Variants in C6orf163 observed in about 807,000 individuals in gnomAD.
The protein encoded by C6orf163 is uncharacterized protein C6orf163.
Under a neutral mutation model 28.4 loss-of-function variants are expected in C6orf163, and 22 were observed. The ratio of observed to expected loss-of-function variants is 0.78; its 90% CI spans 0.55 to 1.11. C6orf163 has a LOEUF of 1.11. Among genes scored for constraint, C6orf163 ranks in the 50% least tolerant of loss-of-function variants. C6orf163 has a pLI of 0.00. For missense variants in C6orf163, 342 were observed against 389.1 expected (o/e 0.88, Z 1.02); for synonymous variants, 110 against 123.6 (o/e 0.89, Z 0.73).
chr6:87,345,953 C>A (rs1216682870), intron 1 of C6orf163, among the ~76,000 whole-genome samples: 1 of 133,160 alleles, frequency 7.5e-6, no homozygotes, highest in African/African-American at 2.7e-5. Context: ...TTAAAGTACC[C>A]TAATAAATGG....
At chr6:87,350,031 CTG>C (rs1175191265) in intron 2 of C6orf163, among the ~76,000 whole-genome samples, 6 of 152,220 alleles carry the variant, frequency 3.9e-5, no homozygotes, top group African/African-American at 1.2e-4. Context: ...TTTCATTTCA[CTG>C]TGTTTTCCAG....
At chr6:87,361,914 G>C (rs1777585859) in intron 4 of C6orf163, among the ~76,000 whole-genome samples, 1 of 152,052 alleles carries the variant, frequency 6.6e-6, no homozygotes, top group South Asian at 2.1e-4. Context: ...TGCACCTCAA[G>C]GATATTATGA....
chr6:87,365,205 C>A lies in C6orf163; in HGVS notation c.799C>A (p.Gln267Lys), dbSNP rs1777628270. 1 of 1,551,754 alleles carries A rather than the reference C, an allele frequency of 6.4e-7. No homozygotes were observed. The highest frequency in any genetic ancestry group is 1.4e-5 in the African/African-American group (1 of 73,158). ...GGGGGAGCTGCTGTCTATAGCAAAA[C>A]AACTGGGAATCATGACAAATTGGAA... ...TQGELLSIAK[Q>K]LGIMTNWKDF... The change falls in exon 5 of 5, where the codon CAA (glutamine) becomes AAA (lysine). Residue 267 changes from glutamine (Q) to lysine (K), a missense_variant. Transcript: ENST00000388923.
chr6:87,362,760 C>A (rs937273554), intron 4 of C6orf163, among the ~76,000 whole-genome samples: 1 of 152,040 alleles, frequency 6.6e-6, no homozygotes, highest in African/African-American at 2.4e-5. Context: ...AGAATTGCAT[C>A]TTGGAGGATG....
At chr6:87,362,204 C>A (rs551399415) in intron 4 of C6orf163, among the ~76,000 whole-genome samples, 1 of 152,288 alleles carries the variant, frequency 6.6e-6, no homozygotes, top group East Asian at 1.9e-4. Context: ...AGGTCAGGCA[C>A]GGTGGCTCAC....
Position 87,356,325 on chromosome 6 carries a change from G to A in C6orf163, c.376G>A (p.Glu126Lys). ...LQEVTAKTKTEMYQNMDDEMK... is the reference protein window; with the variant it reads ...LQEVTAKTKTKMYQNMDDEMK... ...GGAAGTGACAGCTAAAACTAAGACA[G>A]AGATGTATCAAAACATGGATGACGA... The change falls in exon 4 of 5, where the codon GAG becomes AAG. Residue 126 changes from glutamate to lysine, a missense_variant. Transcript: ENST00000388923. 1 of 1,551,716 alleles carries A rather than the reference G, an allele frequency of 6.4e-7. No individual in the cohort carries two copies.
intron 1 of C6orf163, among the ~76,000 whole-genome samples, chr6:87,345,916 CAAAAAAAAAAA>C (rs3044136): frequency 6.7e-5 from 3 of 44,648 alleles, no homozygotes; most frequent in Non-Finnish European, 1.3e-4. Flanking sequence ...GACTCTGCCT[CAAAAAAAAAAA>C]AAAAAAAAAA....
At chr6:87,347,855 C>T in intron 1 of C6orf163, 1 of 985,444 alleles carries the variant, frequency 1.0e-6, no homozygotes, top group Non-Finnish European at 1.2e-6. Flanking sequence ...TTACCTTCAG[C>T]TTAGAAATCC....
At chr6:87,350,587 T>C in intron 3 of C6orf163, 86 bp downstream of exon 3, 1 of 758,724 alleles carries the variant, frequency 1.3e-6, no homozygotes, top group Non-Finnish European at 2.1e-6. Context: ...AAAAAAATAA[T>C]AAGGAAATCT....
chr6:87,347,314 T>C (rs920477588), intron 1 of C6orf163: 2 of 777,576 alleles, frequency 2.6e-6, no homozygotes, highest in South Asian at 1.2e-4. Context: ...TTACAGTATG[T>C]GCATTTTTAA....
chr6:87,351,531 A>G (rs934790586), intron 3 of C6orf163, among the ~76,000 whole-genome samples: 1 of 152,152 alleles, frequency 6.6e-6, no homozygotes, highest in Admixed American at 6.5e-5. Flanking sequence ...CCAGTGGCCT[A>G]CCTCAGCCAG....
intron 3 of C6orf163, among the ~76,000 whole-genome samples, chr6:87,351,151 G>C (rs1777405845): frequency 6.6e-6 from 1 of 152,130 alleles, no homozygotes; most frequent in South Asian, 2.1e-4. Context: ...GGAGACCCTA[G>C]GATTCATTGT....
intron 4 of C6orf163, among the ~76,000 whole-genome samples, chr6:87,358,895 C>T (rs1777544586): frequency 6.6e-6 from 1 of 152,188 alleles, no homozygotes; most frequent in African/African-American, 2.4e-5. Flanking sequence ...AAAGAGGTGA[C>T]AGGGCCTGAT....
intron 3 of C6orf163, among the ~76,000 whole-genome samples, chr6:87,351,732 A>G (rs1777415708): frequency 6.6e-6 from 1 of 152,214 alleles, no homozygotes; most frequent in Non-Finnish European, 1.5e-5. Flanking sequence ...GTTACCCGCT[A>G]AGCCCTCTAT....
intron 3 of C6orf163, among the ~76,000 whole-genome samples, chr6:87,355,584 T>A (rs1300979183): frequency 1.3e-5 from 2 of 152,054 alleles, no homozygotes; most frequent in Non-Finnish European, 2.9e-5. Context: ...TACCTTTAAA[T>A]GAAAGTTTTA....
Position 87,351,834 on chromosome 6 carries a change from C to T in C6orf163, c.351+1333C>T, listed in dbSNP as rs185633231. ...GGATAACTCATGGCTTGGCAAGGGG[C>T]TCTAGTTCCCTGCTATAATGCTGCA... On this transcript the variant is annotated intron_variant, in intron 3 of 4. Coordinates refer to ENST00000388923, the MANE Select transcript of C6orf163 (RefSeq NM_001010868.3). 5.3e-4 allele frequency among the ~76,000 whole-genome samples: 81 copies of T among 152,310 alleles called. No individual in the cohort carries two copies. The East Asian group carries it at 0.013, about 24-fold the overall frequency.
At chr6:87,349,778 T>C (rs1777382504) in intron 2 of C6orf163, among the ~76,000 whole-genome samples, 2 of 152,252 alleles carry the variant, frequency 1.3e-5, no homozygotes, top group Admixed American at 6.5e-5. Flanking sequence ...TTTTGATTTA[T>C]CTCAAAATCT....
At chr6:87,345,512 A>G (rs1238613654) in intron 1 of C6orf163, among the ~76,000 whole-genome samples, 2 of 152,220 alleles carry the variant, frequency 1.3e-5, no homozygotes, top group Admixed American at 1.3e-4. Flanking sequence ...ACTTTAATGA[A>G]GTATTTGTAT....
intron 3 of C6orf163, among the ~76,000 whole-genome samples, chr6:87,352,496 G>A (rs568449550): frequency 1.3e-3 from 198 of 152,284 alleles, no homozygotes; most frequent in Non-Finnish European, 1.7e-3. Context: ...TAAGAGTTTG[G>A]TGTGTCTCAA....
Sources: allele counts gnomAD v4.1 joint callset (sites outside exome capture counted in the v4.1 genomes callset), GRCh38; gene constraint gnomAD v4.1.1; transcripts MANE v1.5; gene names NCBI Gene and HGNC (gene_info 2026-07-23, HGNC 2026-07-21).